SLC45A2: variants seen among roughly 807,000 people sequenced by gnomAD.
SLC45A2 encodes solute carrier family 45 member 2, also known as membrane-associated transporter protein.
A neutral mutation model predicts 45.5 loss-of-function variants in SLC45A2; 36 were observed. That is an observed-to-expected ratio of 0.79 (90% CI 0.61 to 1.04). The LOEUF (loss-of-function observed/expected upper bound fraction) is 1.04, where lower values mean the gene tolerates loss of function less well. Among genes scored for constraint, SLC45A2 ranks in the 50% least tolerant of loss-of-function variants. SLC45A2 has a pLI of 0.00. For synonymous variants in SLC45A2, 306 were observed against 269.3 expected, an observed-to-expected ratio of 1.14 and a Z score of -1.33; for missense variants, 719 against 671.0, an observed-to-expected ratio of 1.07 and a Z score of -0.79.
chr5:33,982,285 G>A lies in SLC45A2; in HGVS notation c.513C>T (p.Cys171=), dbSNP rs1753100524. 2 of 1,614,098 alleles carry A rather than the reference G, an allele frequency of 1.2e-6. No individual in the cohort carries two copies. The highest frequency in any genetic ancestry group is 1.7e-5 in the Admixed American group (1 of 60,022). The change falls in exon 2 of 7, where the codon TGC becomes TGT. Residue 171 remains cysteine, a synonymous_variant. Transcript: ENST00000296589. ...GPIKAYLFDV[C]SHQDKEKGLH... ...GGCCCTTCTCCTTGTCCTGATGGGAGCAGACATCAAATAAGTAGGCTTTGA... is the reference window on the plus strand; with the variant it reads ...GGCCCTTCTCCTTGTCCTGATGGGAACAGACATCAAATAAGTAGGCTTTGA...
At chr5:33,951,403 C>T (rs2111914265) in intron 5 of SLC45A2, 151 bp downstream of exon 5, 9 of 1,568,452 alleles carry the variant, frequency 5.7e-6, no homozygotes, top group Non-Finnish European at 7.7e-6. Context: ...TTTATATGGT[C>T]CTTTTTAAGG....
chr5:33,958,952 G>T (rs1276677140), intron 3 of SLC45A2, among the ~76,000 whole-genome samples: 2 of 152,172 alleles, frequency 1.3e-5, no homozygotes, highest in Non-Finnish European at 2.9e-5. Context: ...ATCTATCAGG[G>T]TGTTATCTAT....
At chr5:33,972,231 A>G in intron 2 of SLC45A2, 1 of 524,436 alleles carries the variant, frequency 1.9e-6, no homozygotes, top group Non-Finnish European at 3.9e-6. Context: ...AGAGAGATTC[A>G]GAGAACTTTA....
intron 2 of SLC45A2, among the ~76,000 whole-genome samples, chr5:33,972,899 A>C: frequency 6.6e-6 from 1 of 152,236 alleles, no homozygotes; most frequent in East Asian, 1.9e-4. Flanking sequence ...ATTTTGTAAA[A>C]CATTGAAAAT....
At chr5:33,960,292 T>TC (rs1286723044) in intron 3 of SLC45A2, among the ~76,000 whole-genome samples, 10 of 151,978 alleles carry the variant, frequency 6.6e-5, no homozygotes, top group Non-Finnish European at 1.3e-4. Context: ...TATATATATA[T>TC]ATATATCATA....
intron 4 of SLC45A2, among the ~76,000 whole-genome samples, chr5:33,954,017 A>G (rs1247214830): frequency 2.1e-5 from 3 of 146,024 alleles, no homozygotes; most frequent in African/African-American, 7.7e-5. Flanking sequence ...TAACTATCCT[A>G]AATATTTATG....
intron 6 of SLC45A2, chr5:33,946,597 C>G (rs542941996): frequency 3.0e-6 from 3 of 998,718 alleles, no homozygotes; most frequent in East Asian, 2.1e-4. Context: ...AGGTCCCGCT[C>G]AGGGCAGCAA....
rs776695707 is a variant in SLC45A2, at chr5:33,982,399, G to A, written c.399C>T (p.Asn133=). The part of the protein sequence containing the change: ...GATVVAALIA[N]PRRKLVWAIS... ...TGGCCCAAACCAGCTTCCTCCTTGG[G>A]TTAGCAATCAAAGCTAAAAGAAAAA... Residue 133 remains asparagine (N), a synonymous_variant, in exon 2 of 7, where the codon AAC becomes AAT. Coordinates refer to ENST00000296589, the MANE Select transcript of SLC45A2 (RefSeq NM_016180.5). 5 of 1,613,942 alleles carry A rather than the reference G, an allele frequency of 3.1e-6. No homozygotes were observed. The African/African-American group carries it at 5.3e-5, about 17-fold the overall frequency.
In SLC45A2 at chr5:33,964,061, G is replaced by A. The variant is rs770487962; in HGVS notation, c.563-45C>T. 4.7e-5 allele frequency: 75 copies of A among 1,592,060 alleles called. 2 individuals carry two copies. In the South Asian group the frequency reaches 5.2e-4, roughly 11 times the overall value. On this transcript the variant is annotated intron_variant, in intron 2 of 6. Transcript: ENST00000296589. Reference sequence around the variant, plus strand: ...ATGTTAGCATATTTAGCAAATTATCGTTCATTTTCCTCATGCATAGACACT... The same window carrying A: ...ATGTTAGCATATTTAGCAAATTATCATTCATTTTCCTCATGCATAGACACT...
At chr5:33,971,678 G>A (rs1403194232) in intron 2 of SLC45A2, among the ~76,000 whole-genome samples, 1 of 152,120 alleles carries the variant, frequency 6.6e-6, no homozygotes, top group South Asian at 2.1e-4. Flanking sequence ...CCAGGATGGA[G>A]TGCAGTGGCG....
At position 33,963,217 on chromosome 5, in the gene SLC45A2, A is replaced by T. The variant is rs377737349; in HGVS notation, c.888+474T>A. Among the ~76,000 whole-genome samples the T allele has an allele frequency of 1.1e-4, 17 of 152,304 alleles. No homozygotes were observed. The East Asian group carries it at 3.3e-3, about 29-fold the overall frequency. ...TGGCAGTTAGTTGAGTTTTATTTCA[A>T]ATTTTAAGCTGATGAATTCACTGTG... On this transcript the variant is annotated intron_variant, in intron 3 of 6. Coordinates refer to ENST00000296589, the MANE Select transcript of SLC45A2 (RefSeq NM_016180.5).
chr5:33,960,486 T>C (rs1177474196), intron 3 of SLC45A2, among the ~76,000 whole-genome samples: 1 of 152,158 alleles, frequency 6.6e-6, no homozygotes, highest in Non-Finnish European at 1.5e-5. Context: ...AAGAATATTA[T>C]TCTAAGTGAA....
chr5:33,968,411 G>A (rs938209005), intron 2 of SLC45A2, among the ~76,000 whole-genome samples: 1 of 152,192 alleles, frequency 6.6e-6, no homozygotes, highest in African/African-American at 2.4e-5. Context: ...CCATAAGCCA[G>A]AGCATTCGGA....
At chr5:33,974,720 A>T (rs866840194) in intron 2 of SLC45A2, among the ~76,000 whole-genome samples, 2 of 152,320 alleles carry the variant, frequency 1.3e-5, no homozygotes, top group Middle Eastern at 6.8e-3. Context: ...ATTCAGAGTG[A>T]GGATACCACA....
chr5:33,971,088 G>T, intron 2 of SLC45A2: 1 of 515,692 alleles, frequency 1.9e-6, no homozygotes, highest in South Asian at 1.5e-5. Flanking sequence ...GCTGCAGATG[G>T]ACCAAGATGT....
chr5:33,972,223 A>G (rs1752805142), intron 2 of SLC45A2: 2 of 524,812 alleles, frequency 3.8e-6, no homozygotes, highest in South Asian at 2.9e-5. Flanking sequence ...CAGCTGACAG[A>G]GAGATTCAGA....
chr5:33,954,595 G>C (rs561532554), intron 3 of SLC45A2, 91 bp from the exon 4 acceptor site: 3 of 1,558,476 alleles, frequency 1.9e-6, no homozygotes, highest in Non-Finnish European at 2.6e-6. Context: ...TTATGTATTT[G>C]TCAGTCAGCC....
rs376058379 is a variant in SLC45A2, at chr5:33,981,245, C to T, written c.562+991G>A. On this transcript the variant is annotated intron_variant, in intron 2 of 6. Transcript: ENST00000296589. Reference sequence around the variant, plus strand: ...CAACTGTGCTCCAACGGCCTCACTCCTTCATGTTTTCAACTATTCAAATGT... The same window carrying T: ...CAACTGTGCTCCAACGGCCTCACTCTTTCATGTTTTCAACTATTCAAATGT... Among the ~76,000 whole-genome samples the T allele has an allele frequency of 5.9e-5, 9 of 152,316 alleles. 1 individual carries two copies. Among genetic ancestry groups the T allele is most frequent in the African/African-American group, 1.9e-4 (8 of 41,576 alleles).
chr5:33,974,395 T>C (rs1752866864), intron 2 of SLC45A2, among the ~76,000 whole-genome samples: 1 of 152,038 alleles, frequency 6.6e-6, no homozygotes, highest in South Asian at 2.1e-4. Context: ...TAATGAACCC[T>C]TGGATGCTTA....
Sources: gnomAD v4.1 joint callset for allele counts (sites outside exome capture counted in the v4.1 genomes callset) on GRCh38, gnomAD v4.1.1 for gene constraint, MANE v1.5 for transcripts, NCBI Gene and HGNC (gene_info 2026-07-23, HGNC 2026-07-21) for gene names.